KIAA1328: variants seen among roughly 807,000 people sequenced by gnomAD.
KIAA1328 encodes the protein protein hinderin.
Under a neutral mutation model 68.1 loss-of-function variants are expected in KIAA1328, and 52 were observed. That is an observed-to-expected ratio of 0.76 (90% CI 0.61 to 0.96). KIAA1328 has a LOEUF of 0.96. KIAA1328 is among the 40% of genes least tolerant of loss of function. The pLI is 0.00. For missense variants in KIAA1328, 641 were observed against 677.6 expected, an observed-to-expected ratio of 0.95 and a Z score of 0.60; for synonymous variants, 232 against 239.4, an observed-to-expected ratio of 0.97 and a Z score of 0.28.
chr18:37,219,954 A>G (rs2060526112), intron 9 of KIAA1328, among the ~76,000 whole-genome samples: 1 of 152,216 alleles, frequency 6.6e-6, no homozygotes, highest in Non-Finnish European at 1.5e-5. Flanking sequence ...CTATTCAGCC[A>G]TCTTGGAACT....
In KIAA1328 at chr18:37,140,227, T is replaced by C. The variant is rs190232473; in HGVS notation, c.1233-19973T>C. ...TATGATGAGAATACCAATCTGCTCT[T>C]TGTCAGAAGGCATCCTATCAAGTAA... On this transcript the variant is annotated intron_variant, in intron 7 of 9. Transcript: ENST00000280020. 5.3e-5 allele frequency among the ~76,000 whole-genome samples: 8 copies of C among 152,298 alleles called. No homozygotes were observed. The East Asian group carries it at 1.5e-3, about 29-fold the overall frequency.
At chr18:37,171,214 G>T (rs2059492983) in intron 8 of KIAA1328, among the ~76,000 whole-genome samples, 1 of 151,978 alleles carries the variant, frequency 6.6e-6, no homozygotes. Context: ...TGTGGTTTTG[G>T]TTTTGTTTTT....
chr18:37,050,433 C>A (rs2055648329), intron 6 of KIAA1328, among the ~76,000 whole-genome samples: 1 of 152,070 alleles, frequency 6.6e-6, no homozygotes, highest in South Asian at 2.1e-4. Flanking sequence ...AAAATTATTT[C>A]ACCTTTTTCT....
At chr18:36,897,740 T>C (rs902131266) in intron 5 of KIAA1328, among the ~76,000 whole-genome samples, 1 of 151,768 alleles carries the variant, frequency 6.6e-6, no homozygotes, top group African/African-American at 2.4e-5. Context: ...TAGAGGAAAA[T>C]GGGGTGAGAG....
intron 4 of KIAA1328, among the ~76,000 whole-genome samples, chr18:36,862,816 C>A (rs1274501828): frequency 6.6e-6 from 1 of 152,146 alleles, no homozygotes; most frequent in Non-Finnish European, 1.5e-5. Context: ...TGCATTCTTG[C>A]TAACATTTGT....
intron 4 of KIAA1328, among the ~76,000 whole-genome samples, chr18:36,869,162 C>T (rs2047859054): frequency 6.6e-6 from 1 of 150,482 alleles, no homozygotes; most frequent in African/African-American, 2.5e-5. Context: ...AGAAAAGGAA[C>T]CTTGAATTTG....
chr18:36,990,878 A>G (rs1325813812), intron 6 of KIAA1328, among the ~76,000 whole-genome samples: 2 of 152,124 alleles, frequency 1.3e-5, no homozygotes, highest in Non-Finnish European at 2.9e-5. Context: ...TGAGAGAAAA[A>G]GTCACTTGTA....
intron 4 of KIAA1328, among the ~76,000 whole-genome samples, chr18:36,868,780 A>G (rs986588243): frequency 2.6e-5 from 4 of 152,174 alleles, no homozygotes; most frequent in African/African-American, 9.7e-5. Flanking sequence ...ATTTGAGGAC[A>G]TGGTTCTTTT....
intron 8 of KIAA1328, among the ~76,000 whole-genome samples, chr18:37,165,401 TTTTA>T (rs542527159): frequency 6.6e-6 from 1 of 151,528 alleles, no homozygotes; most frequent in Non-Finnish European, 1.5e-5. Flanking sequence ...TTTTTTTTAT[TTTTA>T]TTTATTTATT....
intron 1 of KIAA1328, 117 bp downstream of exon 1, chr18:36,829,313 G>T: frequency 7.1e-7 from 1 of 1,407,288 alleles, no homozygotes. Flanking sequence ...CCGGGGATGG[G>T]GACGTGCTGC....
At chr18:36,870,983 A>T (rs1321032482) in intron 4 of KIAA1328, among the ~76,000 whole-genome samples, 1 of 152,128 alleles carries the variant, frequency 6.6e-6, no homozygotes, top group African/African-American at 2.4e-5. Flanking sequence ...CGTCTTACCC[A>T]TTTCCAGCTG....
chr18:37,110,019 G>A (rs1455935922), intron 7 of KIAA1328, among the ~76,000 whole-genome samples: 1 of 149,662 alleles, frequency 6.7e-6, no homozygotes, highest in African/African-American at 2.5e-5. Flanking sequence ...AGGAGACAGA[G>A]AAAAGCAGTG....
At chr18:37,098,791 G>A (rs529463347) in intron 7 of KIAA1328, among the ~76,000 whole-genome samples, 29 of 152,166 alleles carry the variant, frequency 1.9e-4, no homozygotes, top group African/African-American at 7.0e-4. Context: ...CTTCTTCCTG[G>A]TTTTGTCTTG....
At chr18:36,871,686 G>A (rs1052678112) in intron 4 of KIAA1328, among the ~76,000 whole-genome samples, 4 of 152,012 alleles carry the variant, frequency 2.6e-5, no homozygotes, top group Non-Finnish European at 5.9e-5. Flanking sequence ...AATTTAAAAA[G>A]AAGGTGGAAG....
At chr18:37,040,157 A>G (rs568716646) in intron 6 of KIAA1328, among the ~76,000 whole-genome samples, 1 of 152,204 alleles carries the variant, frequency 6.6e-6, no homozygotes, top group Non-Finnish European at 1.5e-5. Flanking sequence ...TGATTAGACT[A>G]GGTCCATCTG....
At position 36,924,361 on chromosome 18, in the gene KIAA1328, GGCA is replaced by G. The variant is rs576941512; in HGVS notation, c.449-34946_449-34944del. On this transcript the variant is annotated intron_variant, in intron 5 of 9. Coordinates refer to ENST00000280020, the MANE Select transcript of KIAA1328 (RefSeq NM_020776.3). ...GGTGGTAAGGACTAAGCTATAATGA[GGCA>G]ATGAGCATATAAGGAAGGAGACATT... Among the ~76,000 whole-genome samples the G allele has an allele frequency of 1.5e-3, 231 of 152,192 alleles. 1 individual carries two copies. The highest frequency in any genetic ancestry group is 2.8e-3 in the Non-Finnish European group (190 of 68,016).
chr18:37,200,222 C>G (rs2060082406), intron 9 of KIAA1328, among the ~76,000 whole-genome samples: 1 of 152,206 alleles, frequency 6.6e-6, no homozygotes, highest in Non-Finnish European at 1.5e-5. Context: ...TGCTCCATTA[C>G]TAGTTGTTAC....
intron 4 of KIAA1328, among the ~76,000 whole-genome samples, chr18:36,856,370 T>C (rs1417262813): frequency 6.6e-6 from 1 of 152,158 alleles, no homozygotes; most frequent in East Asian, 1.9e-4. Flanking sequence ...CACTTTTTCT[T>C]TCTGCTCCTT....
chr18:36,896,246 TATC>T (rs1326651546), intron 5 of KIAA1328, among the ~76,000 whole-genome samples: 2 of 152,200 alleles, frequency 1.3e-5, no homozygotes, highest in Admixed American at 6.5e-5. Context: ...AATTTTTAAA[TATC>T]ATTTTGTATT....
Sources: allele counts gnomAD v4.1 joint callset (sites outside exome capture counted in the v4.1 genomes callset), GRCh38; gene constraint gnomAD v4.1.1; transcripts MANE v1.5; gene names NCBI Gene and HGNC (gene_info 2026-07-23, HGNC 2026-07-21).